The following PLS1 variants were observed in gnomAD, a reference collection of about 807,000 sequenced individuals.
The protein encoded by PLS1 is plastin-1.
A neutral mutation model predicts 73.7 loss-of-function variants in PLS1; 32 were observed. That is an observed-to-expected ratio of 0.43 (90% CI 0.33 to 0.58). The LOEUF is 0.58. Among genes scored for constraint, PLS1 ranks in the 20% least tolerant of loss-of-function variants. PLS1 has a pLI of 0.04. For missense variants in PLS1, 633 were observed against 740.5 expected (o/e 0.85, Z 1.68); for synonymous variants, 217 against 261.3 (o/e 0.83, Z 1.63).
intron 11 of PLS1, among the ~76,000 whole-genome samples, chr3:142,697,081 G>A (rs2038226384): frequency 6.6e-6 from 1 of 151,976 alleles, no homozygotes; most frequent in Non-Finnish European, 1.5e-5. Context: ...ATATCACAAA[G>A]CTAGCAATTT....
intron 5 of PLS1, 30 bp downstream of exon 5, chr3:142,676,319 C>T (rs368605079): frequency 6.6e-5 from 106 of 1,603,522 alleles, no homozygotes; most frequent in Admixed American, 1.9e-4. Flanking sequence ...AAGGAAGCTG[C>T]GTTCTTGCTG....
At chr3:142,604,701 G>A (rs925078775) in intron 1 of PLS1, among the ~76,000 whole-genome samples, 2 of 152,136 alleles carry the variant, frequency 1.3e-5, no homozygotes, top group South Asian at 2.1e-4. Context: ...TTGGGAGGCC[G>A]AGGCAGGCGG....
chr3:142,603,226 G>A (rs185432645), intron 1 of PLS1, among the ~76,000 whole-genome samples: 5 of 152,260 alleles, frequency 3.3e-5, no homozygotes, highest in African/African-American at 9.6e-5. Flanking sequence ...CCTATGTGCC[G>A]TTTTTGGTGA....
chr3:142,605,070 C>G (rs1047259506), intron 1 of PLS1, among the ~76,000 whole-genome samples: 2 of 152,122 alleles, frequency 1.3e-5, no homozygotes, highest in African/African-American at 4.8e-5. Flanking sequence ...GGCCTATGAT[C>G]AGAACCATGG....
In PLS1 at chr3:142,713,054, TTAATAG is replaced by T. The variant is rs1210827381; in HGVS notation, c.*1048_*1053del. 5 of 152,634 alleles carry T rather than the reference TTAATAG, an allele frequency of 3.3e-5. No individual in the cohort carries two copies. The highest frequency in any genetic ancestry group is 1.2e-4 in the African/African-American group (5 of 41,580). The allele number at this position is 152,634 out of a possible 1,614,324, so 9.5% of individuals were successfully genotyped here. ...TTTAGAATATGCCCACTGAATATCT[TTAATAG>T]AAAGTAACATAAAGCTAGTATTCAA... On this transcript the variant is annotated 3_prime_UTR_variant, in exon 16 of 16. Coordinates refer to ENST00000457734, the MANE Select transcript of PLS1 (RefSeq NM_001145319.2).
At chr3:142,693,740 G>A (rs1424955139) in intron 10 of PLS1, among the ~76,000 whole-genome samples, 1 of 152,106 alleles carries the variant, frequency 6.6e-6, no homozygotes, top group African/African-American at 2.4e-5. Context: ...GGAATGCTCA[G>A]GGAGGTATGG....
chr3:142,670,077 C>T (rs983953520), intron 3 of PLS1, among the ~76,000 whole-genome samples: 1 of 152,010 alleles, frequency 6.6e-6, no homozygotes, highest in African/African-American at 2.4e-5. Flanking sequence ...TGGTACAGGT[C>T]CTGTGAGAGT....
At chr3:142,693,457 G>T (rs959954612) in intron 10 of PLS1, among the ~76,000 whole-genome samples, 4 of 152,184 alleles carry the variant, frequency 2.6e-5, no homozygotes, top group African/African-American at 9.7e-5. Flanking sequence ...CCAAAATCTA[G>T]AGAGTGACTT....
intron 1 of PLS1, among the ~76,000 whole-genome samples, chr3:142,622,947 G>GTTTTC (rs2036343806): frequency 6.6e-6 from 1 of 151,988 alleles, no homozygotes; most frequent in African/African-American, 2.4e-5. Context: ...CAATATTGCC[G>GTTTTC]TTTTCTTTTC....
intron 1 of PLS1, among the ~76,000 whole-genome samples, chr3:142,615,248 G>A (rs111468918): frequency 0.038 from 5,766 of 152,206 alleles, 369 homozygotes; most frequent in African/African-American, 0.13. Flanking sequence ...CTTGAAGACC[G>A]TATATCTTCT....
At chr3:142,659,722 G>A (rs2037325230) in intron 1 of PLS1, among the ~76,000 whole-genome samples, 1 of 149,780 alleles carries the variant, frequency 6.7e-6, no homozygotes, top group Non-Finnish European at 1.5e-5. Context: ...TTGAGATGGA[G>A]TTTTGCTCTT....
In PLS1 at chr3:142,641,068, G is replaced by A. The variant is rs566860040; in HGVS notation, c.-36-23134G>A. ...TCCTAGCTTTGAGAGGCTGAGGTGG[G>A]AGAATGGCTTGAGCCCAGGTGTTTG... On this transcript the variant is annotated intron_variant, in intron 1 of 15. Coordinates refer to ENST00000457734, the MANE Select transcript of PLS1 (RefSeq NM_001145319.2). Among the ~76,000 whole-genome samples, 9 of 151,224 alleles carry A rather than the reference G, an allele frequency of 6.0e-5. No individual in the cohort carries two copies. The South Asian group carries it at 1.9e-3, about 32-fold the overall frequency.
chr3:142,660,761 T>C (rs2037353206), intron 1 of PLS1, among the ~76,000 whole-genome samples: 1 of 152,214 alleles, frequency 6.6e-6, no homozygotes. Context: ...ACTTATTAGC[T>C]ATAAAAACAA....
intron 1 of PLS1, among the ~76,000 whole-genome samples, chr3:142,604,355 G>T (rs1462974657): frequency 1.3e-5 from 2 of 152,170 alleles, no homozygotes; most frequent in African/African-American, 4.8e-5. Flanking sequence ...GTCTCTTCCT[G>T]GAGAGCACTC....
chr3:142,652,599 T>C (rs1334735999), intron 1 of PLS1, among the ~76,000 whole-genome samples: 1 of 152,160 alleles, frequency 6.6e-6, no homozygotes, highest in African/African-American at 2.4e-5. Flanking sequence ...GGAACCAAGG[T>C]GAGGCACGTT....
At chr3:142,634,183 A>G (rs1303548534) in intron 1 of PLS1, among the ~76,000 whole-genome samples, 2 of 152,224 alleles carry the variant, frequency 1.3e-5, no homozygotes, top group African/African-American at 2.4e-5. Flanking sequence ...AATTTGCATG[A>G]TAACTTTAAG....
chr3:142,633,210 G>A (rs569642562), intron 1 of PLS1, among the ~76,000 whole-genome samples: 1 of 152,356 alleles, frequency 6.6e-6, no homozygotes, highest in East Asian at 1.9e-4. Flanking sequence ...AGAAGGGATT[G>A]CCAGAGGCTG....
chr3:142,654,645 C>CCCTG (rs1482863197), intron 1 of PLS1: 2 of 152,166 alleles, frequency 1.3e-5, no homozygotes, highest in Admixed American at 1.3e-4. Flanking sequence ...GAACCACTGC[C>CCCTG]CCTGGCCCAA....
intron 1 of PLS1, among the ~76,000 whole-genome samples, chr3:142,646,030 A>C (rs2036946082): frequency 6.6e-6 from 1 of 152,146 alleles, no homozygotes; most frequent in Non-Finnish European, 1.5e-5. Flanking sequence ...ATAATTAAGG[A>C]TCTGGACTTA....
Sources: gnomAD v4.1 joint callset for allele counts (sites outside exome capture counted in the v4.1 genomes callset) on GRCh38, gnomAD v4.1.1 for gene constraint, MANE v1.5 for transcripts, NCBI Gene and HGNC (gene_info 2026-07-23, HGNC 2026-07-21) for gene names.